FREM1: variants seen among roughly 807,000 people sequenced by gnomAD.
FREM1 encodes FRAS1 related extracellular matrix 1.
FREM1 carries 220 observed loss-of-function variants against 210.1 expected under a neutral mutation model. That is an observed-to-expected ratio of 1.05 (90% CI 0.94 to 1.17). FREM1 has a LOEUF of 1.17. FREM1 is among the 50% of genes most tolerant of loss of function. The pLI, the probability that FREM1 is intolerant of heterozygous loss-of-function variation, is 0.00. For missense variants in FREM1, 3,454 were observed against 2,675.5 expected, an observed-to-expected ratio of 1.29 and a Z score of -6.42; for synonymous variants, 1,189 against 980.2, an observed-to-expected ratio of 1.21 and a Z score of -3.98.
chr9:14,861,833 C>G (rs1225819588), intron 3 of FREM1, among the ~76,000 whole-genome samples: 2 of 152,050 alleles, frequency 1.3e-5, no homozygotes, highest in Non-Finnish European at 2.9e-5. Flanking sequence ...TACAAACAAT[C>G]CAATTATAAT....
At chr9:14,865,698 T>TGTGC (rs759644257) in intron 2 of FREM1, among the ~76,000 whole-genome samples, 34 of 150,636 alleles carry the variant, frequency 2.3e-4, no homozygotes, top group African/African-American at 6.6e-4. Context: ...TGTGTGTGTG[T>TGTGC]GCACATGCAC....
chr9:14,750,695 A>C (rs1843198302), intron 29 of FREM1, among the ~76,000 whole-genome samples: 1 of 152,206 alleles, frequency 6.6e-6, no homozygotes, highest in Admixed American at 6.5e-5. Flanking sequence ...ACTTCATGCT[A>C]TTCATGGAAC....
chr9:14,885,237 ACTCTT>A (rs1835599271), intron 1 of FREM1, among the ~76,000 whole-genome samples: 1 of 151,244 alleles, frequency 6.6e-6, no homozygotes, highest in African/African-American at 2.4e-5. Context: ...GTGGCCCAAA[ACTCTT>A]CTCATTAGTG....
Position 14,776,035 on chromosome 9 carries a change from T to G in FREM1, c.4611A>C (p.Thr1537=), listed in dbSNP as rs762766127. Residue 1537 remains threonine, a synonymous_variant, in exon 25 of 37, where the codon ACA becomes ACC. Coordinates refer to ENST00000380880, the MANE Select transcript of FREM1 (RefSeq NM_001379081.2). ...AGAGGAAGGTGAGGTTCTCCGCAGGTGTATCAGGGTCGGTCAGCTGAAGGA... is the reference window on the plus strand; with the variant it reads ...AGAGGAAGGTGAGGTTCTCCGCAGGGGTATCAGGGTCGGTCAGCTGAAGGA... ...PDLLQLTDPD[T]PAENLTFLLV... The G allele has an allele frequency of 6.2e-7, 1 of 1,613,920 alleles. No individual in the cohort carries two copies.
chr9:14,857,834 C>G (rs1383494700), intron 4 of FREM1, 85 bp from the exon 5 acceptor site: 1 of 904,282 alleles, frequency 1.1e-6, no homozygotes, highest in Non-Finnish European at 1.7e-6. Flanking sequence ...CCCATGAATA[C>G]TTATTCCCTC....
upstream of FREM1, chr9:14,910,735 C>G (rs993097639): frequency 6.6e-6 from 1 of 152,392 alleles, no homozygotes; most frequent in Admixed American, 6.5e-5. Context: ...ACGCACAGGC[C>G]GCACATGCCC....
rs1324642936 is a variant in FREM1 at position 14,747,060 on chromosome 9, A to G, written c.6010-9T>C. Reference sequence around the variant, plus strand: ...AATGAGGGCAACTGGTCCTTTGGGAAGGAAAGGCAATTTAGCAATTTAGAA... The same window carrying G: ...AATGAGGGCAACTGGTCCTTTGGGAGGGAAAGGCAATTTAGCAATTTAGAA... On this transcript the variant is annotated splice_polypyrimidine_tract_variant and intron_variant, in intron 33 of 36. Coordinates refer to ENST00000380880, the MANE Select transcript of FREM1 (RefSeq NM_001379081.2). 1.2e-6 allele frequency: 2 copies of G among 1,613,106 alleles called. No homozygotes were observed. The highest frequency in any genetic ancestry group is 1.7e-5 in the Admixed American group (1 of 59,844).
chr9:14,757,285 T>C (rs7021482), intron 28 of FREM1, among the ~76,000 whole-genome samples: 133,321 of 152,244 alleles, frequency 0.88, 58,471 homozygotes, highest in East Asian at 0.95. Context: ...GCCGGCACGG[T>C]GGCTCACGCC....
At chr9:14,774,152 A>T (rs1848112929) in intron 25 of FREM1, 1 of 518,752 alleles carries the variant, frequency 1.9e-6, no homozygotes. Flanking sequence ...CCAAGGACTC[A>T]TCCAGCATCC....
intron 27 of FREM1, among the ~76,000 whole-genome samples, chr9:14,765,662 T>C (rs540646570): frequency 2.6e-5 from 4 of 152,174 alleles, no homozygotes; most frequent in African/African-American, 4.8e-5. Flanking sequence ...CTGCTAAACA[T>C]TGCAACGTTT....
In FREM1 at chr9:14,851,177, T is replaced by C. The variant is rs148567451; in HGVS notation, c.1152+107A>G. On this transcript the variant is annotated intron_variant, in intron 6 of 36. Coordinates refer to ENST00000380880, the MANE Select transcript of FREM1 (RefSeq NM_001379081.2). ...ATCCTGATTTACAGTGATTGATTCT[T>C]TTCTGAGGCAATGAATGTACAAAGG... 3.7e-6 allele frequency: 3 copies of C among 816,368 alleles called. No individual in the cohort carries two copies. The African/African-American group carries it at 5.1e-5, about 14-fold the overall frequency. 50.6% of individuals were successfully genotyped at this position (816,368 alleles called of 1,614,324 possible).
chr9:14,870,394 A>G (rs777143564), intron 1 of FREM1, among the ~76,000 whole-genome samples: 4 of 152,174 alleles, frequency 2.6e-5, no homozygotes, highest in African/African-American at 2.4e-5. Context: ...TCACACTCCA[A>G]CTGACTCTAT....
chr9:14,842,305 C>A lies in FREM1; in HGVS notation c.1738+11G>T, dbSNP rs1243113917. 2.6e-6 allele frequency: 4 copies of A among 1,517,460 alleles called. No homozygotes were observed. The highest frequency in any genetic ancestry group is 8.9e-7 in the Non-Finnish European group (1 of 1,119,378). 94.0% of individuals were successfully genotyped at this position (1,517,460 alleles called of 1,614,324 possible). A position where few individuals can be genotyped will look rare whatever the true frequency, so the allele number is the denominator to read the frequency against. ...ATTCCATTCAAATGATCTTAACTGCCCAGAACTTACCTATCAGTCCTGGCC... is the reference window on the plus strand; with the variant it reads ...ATTCCATTCAAATGATCTTAACTGCACAGAACTTACCTATCAGTCCTGGCC... On this transcript the variant is annotated intron_variant, in intron 9 of 36. Transcript: ENST00000380880.
chr9:14,814,034 C>T (rs1317555186), intron 15 of FREM1, among the ~76,000 whole-genome samples: 1 of 152,128 alleles, frequency 6.6e-6, no homozygotes, highest in Non-Finnish European at 1.5e-5. Context: ...ACACACATTC[C>T]CCACCATCAC....
chr9:14,863,904 C>A lies in FREM1; in HGVS notation c.235-1G>T. The A allele has an allele frequency of 6.3e-7, 1 of 1,583,096 alleles. No homozygotes were observed. Among genetic ancestry groups the A allele is most frequent in the Admixed American group, 1.7e-5 (1 of 59,902 alleles). On this transcript the variant is annotated splice_acceptor_variant, in intron 2 of 36. Transcript: ENST00000380880. LOFTEE classifies it high-confidence loss of function. ...TGGGAAGGAAATGGCAGTCAAAGACCTAGTTCACATGAAGAATTGGATAAA... is the reference window on the plus strand; with the variant it reads ...TGGGAAGGAAATGGCAGTCAAAGACATAGTTCACATGAAGAATTGGATAAA...
At chr9:14,809,399 C>A (rs1210440209) in intron 16 of FREM1, among the ~76,000 whole-genome samples, 1 of 152,144 alleles carries the variant, frequency 6.6e-6, no homozygotes, top group Non-Finnish European at 1.5e-5. Context: ...TCAGGGACAT[C>A]CTCCCTTTTC....
chr9:14,767,787 G>A (rs1269497248), intron 27 of FREM1, among the ~76,000 whole-genome samples: 2 of 151,988 alleles, frequency 1.3e-5, no homozygotes, highest in African/African-American at 4.8e-5. Flanking sequence ...CCCCCCCATC[G>A]CTTATAAAGA....
chr9:14,851,621 G>C lies in FREM1; in HGVS notation c.829-14C>G, dbSNP rs754043980. 2 of 1,570,630 alleles carry C rather than the reference G, an allele frequency of 1.3e-6. No individual in the cohort carries two copies. Among genetic ancestry groups the C allele is most frequent in the South Asian group, 2.2e-5 (2 of 90,178 alleles). ...CGCACTCTCTGACTTTTGAAGGATA[G>C]AGAAAATATAAAGGAGGAAATAATA... On this transcript the variant is annotated splice_polypyrimidine_tract_variant and intron_variant, in intron 5 of 36. Transcript: ENST00000380880.
chr9:14,845,943 C>T lies in FREM1; in HGVS notation c.1393+17G>A, dbSNP rs746893090. On this transcript the variant is annotated intron_variant, in intron 8 of 36. Transcript: ENST00000380880. The stretch of plus-strand genomic sequence containing the variant: ...ACTTTTGGATTCTTTGCTAGGTTAC[C>T]AAGTTGGATCATTCACCTCTTAAAG... 3.1e-6 allele frequency: 5 copies of T among 1,612,568 alleles called. No homozygotes were observed. Among genetic ancestry groups the T allele is most frequent in the Non-Finnish European group, 4.2e-6 (5 of 1,179,160 alleles).
Sources: gnomAD v4.1 joint callset for allele counts (sites outside exome capture counted in the v4.1 genomes callset) on GRCh38, gnomAD v4.1.1 for gene constraint, MANE v1.5 for transcripts, NCBI Gene and HGNC (gene_info 2026-07-23, HGNC 2026-07-21) for gene names.